PDE4D: variants seen among roughly 807,000 people sequenced by gnomAD.
The protein encoded by PDE4D is 3',5'-cyclic-AMP phosphodiesterase 4D.
Under a neutral mutation model 87.4 loss-of-function variants are expected in PDE4D, and 24 were observed. The observed-to-expected ratio is 0.27, with a 90% CI of 0.20 to 0.39. The LOEUF (loss-of-function observed/expected upper bound fraction) is 0.39. Among genes scored for constraint, PDE4D ranks in the 10% least tolerant of loss-of-function variants. The pLI is 1.00. For synonymous variants in PDE4D, 384 were observed against 383.2 expected, an observed-to-expected ratio of 1.00 and a Z score of -0.02; for missense variants, 714 against 1,041.0, an observed-to-expected ratio of 0.69 and a Z score of 4.32.
intron 1 of PDE4D, among the ~76,000 whole-genome samples, chr5:59,642,133 T>C (rs1375963844): frequency 6.6e-6 from 1 of 152,086 alleles, no homozygotes; most frequent in African/African-American, 2.4e-5. Context: ...TCTTTTCTTT[T>C]GTACACAAAA....
At chr5:60,107,516 G>A (rs1209674060) in intron 2 of PDE4D, among the ~76,000 whole-genome samples, 2 of 152,176 alleles carry the variant, frequency 1.3e-5, no homozygotes, top group Non-Finnish European at 2.9e-5. Context: ...GATGAGGCCA[G>A]CATCATCCTG....
chr5:60,107,626 T>C (rs1289916562), intron 2 of PDE4D, among the ~76,000 whole-genome samples: 7 of 152,226 alleles, frequency 4.6e-5, no homozygotes, highest in South Asian at 4.2e-4. Flanking sequence ...ACTGGCAAAC[T>C]GAATCCAGCA....
intron 1 of PDE4D, among the ~76,000 whole-genome samples, chr5:59,873,629 G>A (rs1748136025): frequency 6.6e-6 from 1 of 152,186 alleles, no homozygotes; most frequent in Non-Finnish European, 1.5e-5. Flanking sequence ...TGAAGAGGGA[G>A]AATGTGCTTT....
chr5:59,628,578 C>T (rs1831179667), intron 1 of PDE4D, among the ~76,000 whole-genome samples: 1 of 152,036 alleles, frequency 6.6e-6, no homozygotes, highest in Non-Finnish European at 1.5e-5. Flanking sequence ...TAACCTCAAG[C>T]CAGAGGTTAA....
intron 1 of PDE4D, among the ~76,000 whole-genome samples, chr5:60,502,950 C>G (rs1407265164): frequency 6.6e-6 from 1 of 151,964 alleles, no homozygotes; most frequent in Admixed American, 6.6e-5. Context: ...TAATTTTAGA[C>G]CTGCCTCCTA....
intron 1 of PDE4D, among the ~76,000 whole-genome samples, chr5:59,817,747 C>A (rs1376221864): frequency 6.6e-6 from 1 of 150,710 alleles, no homozygotes; most frequent in Middle Eastern, 3.5e-3. Flanking sequence ...CCCACACCCC[C>A]CCCCACACAC....
At chr5:59,422,322 C>A (rs1022894729) in intron 1 of PDE4D, among the ~76,000 whole-genome samples, 16 of 152,132 alleles carry the variant, frequency 1.1e-4, no homozygotes, top group African/African-American at 3.9e-4. Context: ...CACCACTAAA[C>A]TATTTTCCTT....
At chr5:59,898,869 A>G (rs900843633) in intron 3 of PDE4D, among the ~76,000 whole-genome samples, 4 of 152,140 alleles carry the variant, frequency 2.6e-5, no homozygotes, top group Admixed American at 2.6e-4. Context: ...GTAGGATGCA[A>G]AGAGAGGGAG....
chr5:59,533,460 T>TG (rs201432123), intron 1 of PDE4D, among the ~76,000 whole-genome samples: 2,410 of 151,886 alleles, frequency 0.016, 54 homozygotes, highest in African/African-American at 0.054. Flanking sequence ...CACTAAAGGG[T>TG]GGGGGGGTCA....
At chr5:59,963,699 T>C (rs934172492) in intron 3 of PDE4D, among the ~76,000 whole-genome samples, 33 of 152,236 alleles carry the variant, frequency 2.2e-4, no homozygotes, top group Admixed American at 2.0e-3. Flanking sequence ...TCCATAGTTA[T>C]ACAGAGTTTT....
Position 59,514,108 on chromosome 5 carries a change from CT to C in PDE4D, c.456-298141del, listed in dbSNP as rs766645707. 9.5e-3 allele frequency among the ~76,000 whole-genome samples: 1,330 copies of C among 139,856 alleles called. 36 individuals are homozygous for C. The East Asian group carries it at 0.13, about 13-fold the overall frequency. 91.8% of individuals were successfully genotyped at this position (139,856 alleles called of 152,430 possible). On this transcript the variant is annotated intron_variant, in intron 1 of 14. Coordinates refer to ENST00000340635, the MANE Select transcript of PDE4D (RefSeq NM_001104631.2). ...AGCCAAGGTAAGTGTTTACATTTTT[CT>C]TTTTTTTTTTTTTTGAGACAGAGTC...
At chr5:59,743,295 AG>A (rs1339745115) in intron 1 of PDE4D, among the ~76,000 whole-genome samples, 1 of 152,218 alleles carries the variant, frequency 6.6e-6, no homozygotes, top group Non-Finnish European at 1.5e-5. Context: ...AAAAGCACAC[AG>A]AGGAATGACT....
At chr5:60,104,085 T>C (rs566476246) in intron 2 of PDE4D, among the ~76,000 whole-genome samples, 3 of 152,082 alleles carry the variant, frequency 2.0e-5, no homozygotes, top group African/African-American at 7.2e-5. Context: ...GCGCAAGGGG[T>C]CAGGGAGTTC....
chr5:59,805,734 A>G (rs1188911035), intron 1 of PDE4D, among the ~76,000 whole-genome samples: 1 of 152,256 alleles, frequency 6.6e-6, no homozygotes, highest in African/African-American at 2.4e-5. Flanking sequence ...TAAAAATCTC[A>G]AAGAAGACCA....
At chr5:59,336,795 A>G (rs1160181732) in intron 1 of PDE4D, among the ~76,000 whole-genome samples, 1 of 152,048 alleles carries the variant, frequency 6.6e-6, no homozygotes, top group Non-Finnish European at 1.5e-5. Context: ...GGCCTTCTCC[A>G]TCTTCCAAGA....
At chr5:59,102,113 T>G (rs1770847346) in intron 5 of PDE4D, among the ~76,000 whole-genome samples, 1 of 140,186 alleles carries the variant, frequency 7.1e-6, no homozygotes, top group African/African-American at 2.6e-5. Context: ...TGAGACAGAC[T>G]TTTGCTCTTG....
chr5:58,975,949 G>A lies in PDE4D; in HGVS notation c.1831-110C>T, dbSNP rs766422630. The A allele has an allele frequency of 1.3e-5, 10 of 775,066 alleles. No individual in the cohort carries two copies. The highest frequency in any genetic ancestry group is 2.9e-5 in the South Asian group (1 of 34,332). 48.0% of individuals were successfully genotyped at this position (775,066 alleles called of 1,614,324 possible). A position where few individuals can be genotyped will look rare whatever the true frequency, so the allele number is the denominator to read the frequency against. ...ATGACTGCAACACTTAAAAATACAC[G>A]TAGTGTAAGATTTATTCCAAACAGC... is the stretch of plus-strand genomic sequence containing the variant. On this transcript the variant is annotated intron_variant, in intron 13 of 14. Transcript: ENST00000340635. This position sits in a 1 kb window ranked among gnomAD's most constrained non-coding sequence, Gnocchi z 4.2.
At chr5:59,898,573 A>G (rs998519874), upstream of PDE4D, among the ~76,000 whole-genome samples, 1 of 152,196 alleles carries the variant, frequency 6.6e-6, no homozygotes, top group Non-Finnish European at 1.5e-5. Flanking sequence ...GTGTGAATAC[A>G]TATGTGTGAC....
intron 1 of PDE4D, among the ~76,000 whole-genome samples, chr5:60,342,860 G>A (rs763162890): frequency 5.3e-5 from 8 of 152,146 alleles, no homozygotes; most frequent in South Asian, 2.1e-4. Context: ...GCAAAGCCTC[G>A]TGACTTATCT....
Sources: gnomAD v4.1 joint callset for allele counts (sites outside exome capture counted in the v4.1 genomes callset) on GRCh38, gnomAD v4.1.1 for gene constraint, Gnocchi (gnomAD v3.1) non-coding constraint, MANE v1.5 for transcripts, NCBI Gene and HGNC (gene_info 2026-07-23, HGNC 2026-07-21) for gene names.